Variants in EGFR observed in about 807,000 individuals in gnomAD.
EGFR encodes the protein avian erythroblastic leukemia viral (v-erb-b) oncogene homolog.
In EGFR, 58 loss-of-function variants were observed where a neutral mutation model predicts 143.0. That is an observed-to-expected ratio of 0.41 (90% confidence interval 0.33 to 0.50). EGFR has a LOEUF of 0.50. Among genes scored for constraint, EGFR ranks in the 20% least tolerant of loss-of-function variants. The probability of loss-of-function intolerance (pLI) is 0.39; values close to 1 mark genes in which losing one functional copy is unlikely to be tolerated. For missense variants in EGFR, 1,307 were observed against 1,579.0 expected (o/e 0.83, Z 2.92); for synonymous variants, 613 against 594.4 (o/e 1.03, Z -0.45).
At chr7:55,137,610 A>T (rs1054033637) in intron 1 of EGFR, among the ~76,000 whole-genome samples, 1 of 152,208 alleles carries the variant, frequency 6.6e-6, no homozygotes, top group African/African-American at 2.4e-5. Context: ...GATGTCCAAC[A>T]AGAATGCACA....
intron 1 of EGFR, among the ~76,000 whole-genome samples, chr7:55,120,038 G>C (rs1793103662): frequency 6.6e-6 from 1 of 152,222 alleles, no homozygotes. Context: ...TGACTGGGTA[G>C]CCAGATACAA....
At chr7:55,075,143 G>C (rs528040700) in intron 1 of EGFR, among the ~76,000 whole-genome samples, 1 of 151,716 alleles carries the variant, frequency 6.6e-6, no homozygotes, top group Non-Finnish European at 1.5e-5. Flanking sequence ...CACGGTTGCA[G>C]CCTGCATTCT....
At chr7:55,030,651 A>G (rs149112710) in intron 1 of EGFR, among the ~76,000 whole-genome samples, 2,136 of 152,354 alleles carry the variant, frequency 0.014, 55 homozygotes, top group African/African-American at 0.049. Flanking sequence ...ATTCCCTTAC[A>G]TAGATTTGTA....
intron 1 of EGFR, among the ~76,000 whole-genome samples, chr7:55,116,972 T>C (rs1157456570): frequency 6.6e-6 from 1 of 152,236 alleles, no homozygotes; most frequent in Non-Finnish European, 1.5e-5. Context: ...CACGTGTCCC[T>C]GGTGAACTTT....
rs565584156 is a variant in EGFR at position 55,092,798 on chromosome 7, C to T, written c.89-49488C>T. On this transcript the variant is annotated intron_variant, in intron 1 of 27. Transcript: ENST00000275493. The stretch of plus-strand genomic sequence containing the variant: ...AGCCGCTCCTGGCAGGGCCAGCGGG[C>T]GGTGTGGGACCGGCACCGTATCTCC... Among the ~76,000 whole-genome samples, 335 of 152,352 alleles carry T rather than the reference C, an allele frequency of 2.2e-3. 4 individuals carry two copies. The highest frequency in any genetic ancestry group is 7.0e-3 in the Admixed American group (107 of 15,308).
chr7:55,058,818 T>G (rs1293992647), intron 1 of EGFR, among the ~76,000 whole-genome samples: 1 of 152,188 alleles, frequency 6.6e-6, no homozygotes, highest in African/African-American at 2.4e-5. Flanking sequence ...TACCTGCACA[T>G]GTACCCCTGA....
At chr7:55,034,415 G>T (rs1395578508) in intron 1 of EGFR, among the ~76,000 whole-genome samples, 1 of 152,044 alleles carries the variant, frequency 6.6e-6, no homozygotes, top group Non-Finnish European at 1.5e-5. Context: ...TGTATGTTTT[G>T]TAGAGACAGG....
At chr7:55,031,621 G>A (rs544165070) in intron 1 of EGFR, among the ~76,000 whole-genome samples, 1 of 152,292 alleles carries the variant, frequency 6.6e-6, no homozygotes, top group South Asian at 2.1e-4. Flanking sequence ...GTCTTGGCTA[G>A]GAATTCTAGG....
At chr7:55,096,840 G>C (rs1266821460) in intron 1 of EGFR, among the ~76,000 whole-genome samples, 1 of 152,140 alleles carries the variant, frequency 6.6e-6, no homozygotes, top group African/African-American at 2.4e-5. Context: ...AAGGGCACAG[G>C]GTCCCTCCTG....
chr7:55,078,300 AC>A (rs574072820), intron 1 of EGFR, among the ~76,000 whole-genome samples: 2 of 122,980 alleles, frequency 1.6e-5, no homozygotes, highest in South Asian at 5.9e-4. Flanking sequence ...GACACCCCCC[AC>A]CCCACCCCAC....
chr7:55,154,280 C>A (rs965658996), intron 7 of EGFR, 128 bp downstream of exon 7: 2 of 1,427,346 alleles, frequency 1.4e-6, no homozygotes, highest in Non-Finnish European at 1.9e-6. Flanking sequence ...TTGGAGGAGG[C>A]GACCCTGTGC....
At chr7:55,107,003 C>T (rs1347088120) in intron 1 of EGFR, among the ~76,000 whole-genome samples, 2 of 152,132 alleles carry the variant, frequency 1.3e-5, no homozygotes, top group South Asian at 2.1e-4. Flanking sequence ...TTTGTGCCTT[C>T]CCAAGCAAAA....
At chr7:55,152,857 T>G (rs1031279836) in intron 6 of EGFR, among the ~76,000 whole-genome samples, 193 bp downstream of exon 6, 3 of 152,138 alleles carry the variant, frequency 2.0e-5, no homozygotes, top group Non-Finnish European at 4.4e-5. Context: ...CTTGGGAAAA[T>G]GATGGGACTA....
intron 1 of EGFR, among the ~76,000 whole-genome samples, chr7:55,060,734 C>T (rs1156276003): frequency 6.6e-6 from 1 of 152,112 alleles, no homozygotes; most frequent in Non-Finnish European, 1.5e-5. Context: ...GCCTTGCTCC[C>T]AGTATAACGA....
At chr7:55,029,483 G>T (rs955168495) in intron 1 of EGFR, among the ~76,000 whole-genome samples, 1 of 151,474 alleles carries the variant, frequency 6.6e-6, no homozygotes, top group Non-Finnish European at 1.5e-5. Flanking sequence ...TTATGAATTA[G>T]CCTTCACAGA....
chr7:55,035,345 T>C (rs2128865891), intron 1 of EGFR, among the ~76,000 whole-genome samples: 1 of 152,192 alleles, frequency 6.6e-6, no homozygotes, highest in South Asian at 2.1e-4. Flanking sequence ...GGATGAGTTT[T>C]TTTATAGTTG....
intron 1 of EGFR, among the ~76,000 whole-genome samples, chr7:55,122,979 C>A (rs10229932): frequency 0.15 from 22,535 of 152,262 alleles, 2,056 homozygotes; most frequent in African/African-American, 0.25. Context: ...TTCACACTAG[C>A]ACAGTGCAAC....
intron 1 of EGFR, among the ~76,000 whole-genome samples, chr7:55,075,503 C>T (rs1790085861): frequency 6.6e-6 from 1 of 152,174 alleles, no homozygotes; most frequent in Non-Finnish European, 1.5e-5. Flanking sequence ...ACAAATTTAC[C>T]AATCTGAATT....
intron 1 of EGFR, among the ~76,000 whole-genome samples, chr7:55,089,619 C>T (rs59335638): frequency 0.19 from 29,131 of 152,142 alleles, 3,203 homozygotes; most frequent in African/African-American, 0.28. Flanking sequence ...ACAATGCTGT[C>T]ATCGAACTTA....
Sources: gnomAD v4.1 joint callset for allele counts (sites outside exome capture counted in the v4.1 genomes callset) on GRCh38, gnomAD v4.1.1 for gene constraint, MANE v1.5 for transcripts, NCBI Gene and HGNC (gene_info 2026-07-23, HGNC 2026-07-21) for gene names.